Variants in ITPKB observed in about 807,000 individuals in gnomAD.
The protein encoded by ITPKB is inositol-trisphosphate 3-kinase B.
Under a neutral mutation model 69.4 loss-of-function variants are expected in ITPKB, and 13 were observed. The observed-to-expected ratio is 0.19, with a 90% confidence interval of 0.12 to 0.30. The LOEUF (loss-of-function observed/expected upper bound fraction) is 0.30, where lower values mean the gene tolerates loss of function less well. Among genes scored for constraint, ITPKB ranks in the 10% least tolerant of loss-of-function variants. ITPKB has a pLI of 1.00. For synonymous variants in ITPKB, 584 were observed against 513.7 expected, an observed-to-expected ratio of 1.14 and a Z score of -1.85; for missense variants, 1,240 against 1,250.5, an observed-to-expected ratio of 0.99 and a Z score of 0.13.
intron 2 of ITPKB, among the ~76,000 whole-genome samples, chr1:226,706,493 A>C (rs1167084662): frequency 6.6e-6 from 1 of 152,218 alleles, no homozygotes; most frequent in Non-Finnish European, 1.5e-5. Flanking sequence ...CTTGTTATCA[A>C]TGTCCTGAAA....
chr1:226,737,480 C>T lies in ITPKB; in HGVS notation c.-22G>A, dbSNP rs774386525. ...CCATAGTACTGGGTCCCGCGCTGCC[C>T]GCCGCCGCGGCTCCCGCTCCTGCTC... On this transcript the variant is annotated 5_prime_UTR_variant, in exon 2 of 8. Coordinates refer to ENST00000429204, the MANE Select transcript of ITPKB (RefSeq NM_002221.4). 88 of 1,536,172 alleles carry T rather than the reference C, an allele frequency of 5.7e-5. No individual in the cohort carries two copies. The highest frequency in any genetic ancestry group is 7.5e-5 in the Non-Finnish European group (86 of 1,146,018).
At chr1:226,734,934 CCACA>C (rs1657700866) in intron 2 of ITPKB, among the ~76,000 whole-genome samples, 1 of 152,196 alleles carries the variant, frequency 6.6e-6, no homozygotes, top group South Asian at 2.1e-4. Context: ...GTTACACTGA[CCACA>C]CAAATATTGC....
chr1:226,683,401 G>C (rs1021361385), intron 2 of ITPKB, among the ~76,000 whole-genome samples: 1 of 152,198 alleles, frequency 6.6e-6, no homozygotes, highest in African/African-American at 2.4e-5. Flanking sequence ...CAGGAACTAA[G>C]ATGACCTGGA....
intron 2 of ITPKB, among the ~76,000 whole-genome samples, chr1:226,658,607 A>T (rs1669340752): frequency 6.6e-6 from 1 of 152,160 alleles, no homozygotes; most frequent in Non-Finnish European, 1.5e-5. Context: ...ATGCAAAAGC[A>T]CTTTCAGAAA....
intron 2 of ITPKB, among the ~76,000 whole-genome samples, chr1:226,653,668 AG>A (rs1326691456): frequency 6.6e-6 from 1 of 152,248 alleles, no homozygotes; most frequent in Non-Finnish European, 1.5e-5. Flanking sequence ...TGGAAAGGAA[AG>A]CACCACAACG....
chr1:226,640,988 G>A (rs1233356618), intron 5 of ITPKB, among the ~76,000 whole-genome samples: 1 of 152,218 alleles, frequency 6.6e-6, no homozygotes, highest in Non-Finnish European at 1.5e-5. Flanking sequence ...CACTGGAGAT[G>A]ATGCAGACCA....
In ITPKB at chr1:226,735,984, T is replaced by C; in HGVS notation, c.1475A>G (p.Gln492Arg). 1 of 1,613,932 alleles carries C rather than the reference T, an allele frequency of 6.2e-7. No homozygotes were observed. Among genetic ancestry groups the C allele is most frequent in the Non-Finnish European group, 8.5e-7 (1 of 1,179,998 alleles). The stretch of plus-strand genomic sequence containing the variant: ...ACCCACCCTGTCCCCAGGAGGGCAC[T>C]GAGGTTCTTTCAGATCTTTCGCAGC... The part of the protein sequence containing the change: ...WDAAKDLKEP[Q>R]CPPGDRVGVQ... Residue 492 changes from glutamine (Q) to arginine (R), a missense_variant, in exon 2 of 8, where the codon CAG becomes CGG. Physicochemically the swap from Gln to Arg is conservative, Grantham distance 43 (BLOSUM62 1). Coordinates refer to ENST00000429204, the MANE Select transcript of ITPKB (RefSeq NM_002221.4).
chr1:226,731,375 A>G (rs888596826), intron 2 of ITPKB, among the ~76,000 whole-genome samples: 1 of 152,242 alleles, frequency 6.6e-6, no homozygotes, highest in Admixed American at 6.5e-5. Flanking sequence ...AGCCTTTCTT[A>G]TGGCAAAGAG....
rs2102783589 is a variant in ITPKB, at chr1:226,694,998, G to A, written c.1932+40529C>T. 1.3e-5 allele frequency among the ~76,000 whole-genome samples: 2 copies of A among 152,382 alleles called. 1 individual carries two copies. The highest frequency in any genetic ancestry group is 4.1e-4 in the South Asian group (2 of 4,828). On this transcript the variant is annotated intron_variant, in intron 2 of 7. Coordinates refer to ENST00000429204, the MANE Select transcript of ITPKB (RefSeq NM_002221.4). Reference sequence around the variant, plus strand: ...TAATCCCAGCACTCTGGGAAGCCAAGGTGGGTGGATCACCTGGGGTCAGGA... The same window carrying A: ...TAATCCCAGCACTCTGGGAAGCCAAAGTGGGTGGATCACCTGGGGTCAGGA...
intron 2 of ITPKB, among the ~76,000 whole-genome samples, chr1:226,682,980 C>T (rs1656123255): frequency 6.6e-6 from 1 of 152,178 alleles, no homozygotes; most frequent in Non-Finnish European, 1.5e-5. Flanking sequence ...TGGATTGTGT[C>T]ATCCGAAGCA....
At chr1:226,732,672 G>C (rs1296052300) in intron 2 of ITPKB, among the ~76,000 whole-genome samples, 2 of 151,754 alleles carry the variant, frequency 1.3e-5, no homozygotes, top group African/African-American at 4.8e-5. Flanking sequence ...CAATGGTCCA[G>C]ATTCTCTTAA....
rs927462081 is a variant in ITPKB, at chr1:226,641,143, G to A, written c.2451+778C>T. Reference sequence around the variant, plus strand: ...AGCAAGGGTGCACACAGGGGCCCAGGGACAGGGAGATCATCCAGACAGTCA... The same window carrying A: ...AGCAAGGGTGCACACAGGGGCCCAGAGACAGGGAGATCATCCAGACAGTCA... On this transcript the variant is annotated intron_variant, in intron 5 of 7. Coordinates refer to ENST00000429204, the MANE Select transcript of ITPKB (RefSeq NM_002221.4). The surrounding 1 kb of genome is among the most constrained non-coding windows in gnomAD (Gnocchi z 4.6). 7.2e-5 allele frequency among the ~76,000 whole-genome samples: 11 copies of A among 152,232 alleles called. No homozygotes were observed. Among genetic ancestry groups the A allele is most frequent in the African/African-American group, 2.7e-4 (11 of 41,456 alleles).
intron 2 of ITPKB, among the ~76,000 whole-genome samples, chr1:226,712,961 G>C (rs1283811923): frequency 6.6e-6 from 1 of 150,900 alleles, no homozygotes; most frequent in Non-Finnish European, 1.5e-5. Flanking sequence ...GTGTACGCAT[G>C]TGCCCACCCA....
rs1196214610 is a variant in ITPKB at position 226,737,463 on chromosome 1, C to T, written c.-5G>A. The T allele has an allele frequency of 4.4e-6, 7 of 1,588,474 alleles. No homozygotes were observed. The South Asian group carries it at 4.5e-5, about 10-fold the overall frequency. On this transcript the variant is annotated 5_prime_UTR_variant, in exon 2 of 8. Coordinates refer to ENST00000429204, the MANE Select transcript of ITPKB (RefSeq NM_002221.4). ...CGCATAGCAGTACACAGCCATAGTA[C>T]TGGGTCCCGCGCTGCCCGCCGCCGC...
chr1:226,698,549 A>G (rs141263638), intron 2 of ITPKB, among the ~76,000 whole-genome samples: 2 of 152,278 alleles, frequency 1.3e-5, no homozygotes, highest in South Asian at 2.1e-4. Flanking sequence ...GGAATTGTTC[A>G]TTTATATATG....
At chr1:226,715,159 T>C (rs1657065031) in intron 2 of ITPKB, among the ~76,000 whole-genome samples, 2 of 152,348 alleles carry the variant, frequency 1.3e-5, no homozygotes, top group Non-Finnish European at 2.9e-5. Flanking sequence ...TATTACAATC[T>C]GCCTCCTCTA....
chr1:226,645,250 G>C (rs1669039262), intron 4 of ITPKB, among the ~76,000 whole-genome samples: 1 of 152,142 alleles, frequency 6.6e-6, no homozygotes, highest in Non-Finnish European at 1.5e-5. Flanking sequence ...CCTGCTTCTG[G>C]GGAGACCTTC....
At chr1:226,654,551 C>T (rs184002824) in intron 2 of ITPKB, among the ~76,000 whole-genome samples, 24 of 152,340 alleles carry the variant, frequency 1.6e-4, no homozygotes, top group Middle Eastern at 3.4e-3. Flanking sequence ...ACACACAGAG[C>T]CATAAAACAG....
rs758623262 is a variant in ITPKB, at chr1:226,736,169, G to A, written c.1290C>T (p.Ala430=). Residue 430 remains alanine (A), a synonymous_variant, in exon 2 of 8, where the codon GCC becomes GCT. Transcript: ENST00000429204. The part of the protein sequence containing the change: ...SVGPEEARSG[A]PVGGGRWQLS... ...GCTGCCAACGCCCCCCGCCCACGGG[G>A]GCCCCACTTCGGGCCTCCTCAGGGC... 2.6e-6 allele frequency: 4 copies of A among 1,552,344 alleles called. No homozygotes were observed. In the African/African-American group the frequency reaches 4.1e-5, roughly 16 times the overall value.
Sources: gnomAD v4.1 joint callset for allele counts (sites outside exome capture counted in the v4.1 genomes callset) on GRCh38, gnomAD v4.1.1 for gene constraint, Gnocchi (gnomAD v3.1) non-coding constraint, MANE v1.5 for transcripts, NCBI Gene and HGNC (gene_info 2026-07-23, HGNC 2026-07-21) for gene names.